The following PTPRD variants were observed in gnomAD, a reference collection of about 807,000 sequenced individuals.
PTPRD encodes the protein receptor-type tyrosine-protein phosphatase delta.
In PTPRD, 34 loss-of-function variants were observed where a neutral mutation model predicts 214.5. The ratio of observed to expected loss-of-function variants is 0.16; its 90% CI spans 0.12 to 0.21. The LOEUF (loss-of-function observed/expected upper bound fraction) is 0.21, where lower values mean the gene tolerates loss of function less well. Among genes scored for constraint, PTPRD ranks in the 10% least tolerant of loss-of-function variants. The pLI, the probability that PTPRD is intolerant of heterozygous loss-of-function variation, is 1.00. For missense variants in PTPRD, 2,545 were observed against 2,398.7 expected (o/e 1.06, Z -1.27); for synonymous variants, 1,128 against 845.7 (o/e 1.33, Z -5.79).
chr9:10,089,992 G>T (rs1356114456), intron 3 of PTPRD, among the ~76,000 whole-genome samples: 1 of 151,558 alleles, frequency 6.6e-6, no homozygotes, highest in Non-Finnish European at 1.5e-5. Context: ...CATAAGGCAA[G>T]ATATTCCAAC....
At chr9:9,160,041 A>G (rs1072762) in intron 10 of PTPRD, among the ~76,000 whole-genome samples, 48,141 of 152,032 alleles carry the variant, frequency 0.32, 8,119 homozygotes, top group Non-Finnish European at 0.37. Flanking sequence ...ACATCATTAT[A>G]AAAATTAACT....
intron 7 of PTPRD, among the ~76,000 whole-genome samples, chr9:9,598,081 CAGTT>C (rs2093490217): frequency 6.6e-6 from 1 of 151,986 alleles, no homozygotes; most frequent in South Asian, 2.1e-4. Flanking sequence ...AAACTGCACA[CAGTT>C]AGTACATTTG....
At chr9:8,338,521 T>C (rs966036465) in intron 43 of PTPRD, among the ~76,000 whole-genome samples, 8 of 152,100 alleles carry the variant, frequency 5.3e-5, no homozygotes, top group Non-Finnish European at 1.0e-4. Context: ...TGGGTCCATA[T>C]GACCTAAAGG....
intron 8 of PTPRD, among the ~76,000 whole-genome samples, chr9:9,504,292 C>T (rs1351226653): frequency 6.6e-6 from 1 of 151,546 alleles, no homozygotes; most frequent in East Asian, 1.9e-4. Flanking sequence ...TATGTCTTTA[C>T]CCAATATATA....
At chr9:9,175,641 A>AACC (rs1554913850) in intron 10 of PTPRD, among the ~76,000 whole-genome samples, 1 of 140,364 alleles carries the variant, frequency 7.1e-6, no homozygotes, top group Non-Finnish European at 1.5e-5. Flanking sequence ...AAAAAAAAAA[A>AACC]AAAAAAAAAG....
chr9:9,581,921 T>A (rs1410363608), intron 7 of PTPRD, among the ~76,000 whole-genome samples: 1 of 152,244 alleles, frequency 6.6e-6, no homozygotes, highest in Admixed American at 6.6e-5. Context: ...GAGGTTAAAG[T>A]CACAAATAAG....
At chr9:8,331,981 C>A (rs1841822852) in intron 43 of PTPRD, among the ~76,000 whole-genome samples, 1 of 151,222 alleles carries the variant, frequency 6.6e-6, no homozygotes, top group African/African-American at 2.4e-5. Context: ...CTTGCAGTGC[C>A]CAGTTAAAAA....
intron 5 of PTPRD, among the ~76,000 whole-genome samples, chr9:9,781,714 C>A (rs543786741): frequency 6.6e-6 from 1 of 152,202 alleles, no homozygotes; most frequent in Admixed American, 6.5e-5. Flanking sequence ...CTCTCTCTAT[C>A]CAGTAGGTTT....
intron 24 of PTPRD, 89 bp from the exon 25 acceptor site, chr9:8,499,929 CT>C: frequency 8.4e-7 from 1 of 1,187,570 alleles, no homozygotes; most frequent in Non-Finnish European, 1.1e-6. Flanking sequence ...TTAGGTTTCT[CT>C]TTCAAAAAAT....
chr9:10,506,231 T>C (rs1013710953), intron 2 of PTPRD, among the ~76,000 whole-genome samples: 3 of 152,288 alleles, frequency 2.0e-5, no homozygotes, highest in South Asian at 4.1e-4. Context: ...CATTTTGAGA[T>C]AATTTTAGCT....
At chr9:9,369,728 AT>A (rs1569567760) in intron 9 of PTPRD, among the ~76,000 whole-genome samples, 1 of 151,870 alleles carries the variant, frequency 6.6e-6, no homozygotes, top group East Asian at 1.9e-4. Context: ...TTCTTCTAGG[AT>A]TTTTATGGTT....
intron 11 of PTPRD, among the ~76,000 whole-genome samples, chr9:8,930,185 C>A (rs1167344981): frequency 1.3e-5 from 2 of 150,150 alleles, no homozygotes; most frequent in Non-Finnish European, 3.0e-5. Context: ...TGTTCAATTC[C>A]CACCTATGAG....
At chr9:10,014,029 A>C (rs1356301563) in intron 4 of PTPRD, among the ~76,000 whole-genome samples, 1 of 151,910 alleles carries the variant, frequency 6.6e-6, no homozygotes, top group Non-Finnish European at 1.5e-5. Context: ...AGGTTATTAG[A>C]GTTTCTGAAT....
At chr9:8,727,938 C>T (rs550391825) in intron 12 of PTPRD, among the ~76,000 whole-genome samples, 2 of 152,326 alleles carry the variant, frequency 1.3e-5, no homozygotes, top group South Asian at 4.1e-4. Flanking sequence ...AGTACCAACA[C>T]TCTAATCTAA....
intron 10 of PTPRD, among the ~76,000 whole-genome samples, chr9:9,033,129 C>A (rs1281646406): frequency 6.6e-6 from 1 of 152,128 alleles, no homozygotes; most frequent in Non-Finnish European, 1.5e-5. Flanking sequence ...TCTCCCTTGA[C>A]CTTCTTTTCT....
At chr9:10,544,704 C>T (rs189724015) in intron 2 of PTPRD, among the ~76,000 whole-genome samples, 1 of 152,122 alleles carries the variant, frequency 6.6e-6, no homozygotes, top group Non-Finnish European at 1.5e-5. Flanking sequence ...TGACAACATC[C>T]TCTTTTTGAA....
At chr9:8,376,822 A>T (rs2083392938) in intron 37 of PTPRD, 96 bp from the exon 38 acceptor site, 1 of 1,499,378 alleles carries the variant, frequency 6.7e-7, no homozygotes, top group Admixed American at 1.9e-5. Context: ...GCTTTTCTGC[A>T]CTTCATTTTA....
At chr9:9,270,129 G>C (rs893677404) in intron 9 of PTPRD, among the ~76,000 whole-genome samples, 3 of 150,956 alleles carry the variant, frequency 2.0e-5, no homozygotes, top group African/African-American at 7.3e-5. Flanking sequence ...AGATATGTTA[G>C]GTAGCTTAAT....
At position 8,582,852 on chromosome 9, in the gene PTPRD, G is replaced by A. The variant is rs749080674; in HGVS notation, c.352+50465C>T. Among the ~76,000 whole-genome samples, 30 of 151,962 alleles carry A rather than the reference G, an allele frequency of 2.0e-4. 1 individual carries two copies. Among genetic ancestry groups the A allele is most frequent in the Admixed American group, 2.0e-3 (30 of 15,276 alleles). ...TGGCAAAGTTGGTGGGCTTTGTTTT[G>A]TTTTTTGCTATTTAATTCAGCAATT... On this transcript the variant is annotated intron_variant, in intron 14 of 45. Coordinates refer to ENST00000381196, the MANE Select transcript of PTPRD (RefSeq NM_002839.4).
Sources: allele counts gnomAD v4.1 joint callset (sites outside exome capture counted in the v4.1 genomes callset), GRCh38; gene constraint gnomAD v4.1.1; transcripts MANE v1.5; gene names NCBI Gene and HGNC (gene_info 2026-07-23, HGNC 2026-07-21).